Variants in ISM1 observed in about 807,000 individuals in gnomAD.
ISM1 encodes isthmin 1.
Under a neutral mutation model 46.3 loss-of-function variants are expected in ISM1, and 25 were observed. The observed-to-expected ratio is 0.54, with a 90% CI of 0.39 to 0.75. ISM1 has a LOEUF of 0.75. Among genes scored for constraint, ISM1 ranks in the 30% least tolerant of loss-of-function variants. The pLI is 0.00. For missense variants in ISM1, 536 were observed against 625.4 expected, an observed-to-expected ratio of 0.86 and a Z score of 1.52; for synonymous variants, 255 against 256.7, an observed-to-expected ratio of 0.99 and a Z score of 0.06.
chr20:13,221,820 TG>T lies in ISM1; in HGVS notation c.45del (p.Leu16CysfsTer114). ...GAGCTGCTGCTGCTGCTGGGGCTGCTGCTGCTCACGCTGCACATCACCGTGC... is the reference window on the plus strand; with the variant it reads ...GAGCTGCTGCTGCTGCTGGGGCTGCTCTGCTCACGCTGCACATCACCGTGC... The part of the protein sequence containing the change: ...AAELLLLLGL[L>X]LLTLHITVLR... On this transcript the variant is annotated frameshift_variant, in exon 1 of 6. Coordinates refer to ENST00000262487, the MANE Select transcript of ISM1 (RefSeq NM_080826.2). LOFTEE classifies it high-confidence loss of function. 1 of 1,458,718 alleles carries T rather than the reference TG, an allele frequency of 6.9e-7. No homozygotes were observed. The highest frequency in any genetic ancestry group is 9.0e-7 in the Non-Finnish European group (1 of 1,111,200). 90.4% of individuals were successfully genotyped at this position (1,458,718 alleles called of 1,614,324 possible).
chr20:13,242,211 A>C (rs1407335), intron 1 of ISM1, among the ~76,000 whole-genome samples: 51,776 of 151,924 alleles, frequency 0.34, 9,348 homozygotes, highest in African/African-American at 0.46. Context: ...GGTCATCTAC[A>C]TGGATGTTGA....
chr20:13,278,938 G>A (rs759387148), intron 2 of ISM1, among the ~76,000 whole-genome samples: 6 of 152,140 alleles, frequency 3.9e-5, no homozygotes, highest in Admixed American at 6.5e-5. Flanking sequence ...CTTACATAGC[G>A]GTTAGAACAT....
intron 1 of ISM1, among the ~76,000 whole-genome samples, chr20:13,240,368 G>A (rs1432182505): frequency 6.6e-6 from 1 of 152,178 alleles, no homozygotes; most frequent in Non-Finnish European, 1.5e-5. Flanking sequence ...GGGTGGTCAA[G>A]GAAGGACTTG....
At chr20:13,266,417 G>T (rs1241314959) in intron 1 of ISM1, among the ~76,000 whole-genome samples, 1 of 152,184 alleles carries the variant, frequency 6.6e-6, no homozygotes, top group Non-Finnish European at 1.5e-5. Context: ...GAGTTCATGT[G>T]CATAAGCCGT....
the ISM1 span, among the ~76,000 whole-genome samples, chr20:13,316,605 T>C: frequency 6.6e-6 from 1 of 151,950 alleles, no homozygotes; most frequent in African/African-American, 2.4e-5. Flanking sequence ...AAGTGGGATT[T>C]ATCCTAGATA....
At position 13,299,034 on chromosome 20, in the gene ISM1, T is replaced by C; in HGVS notation, c.970T>C (p.Cys324Arg). 1.2e-6 allele frequency: 2 copies of C among 1,613,796 alleles called. No homozygotes were observed. The highest frequency in any genetic ancestry group is 1.7e-6 in the Non-Finnish European group (2 of 1,179,812). Residue 324 changes from cysteine (C) to arginine (R), a missense_variant, in exon 6 of 6, where the codon TGC becomes CGC. Physicochemically the swap from Cys to Arg is radical, Grantham distance 180. Around this residue, in one of 2 missense-constraint regions of ISM1, gnomAD observed 169 missense variants for 249.3 expected, o/e 0.68. Coordinates refer to ENST00000262487, the MANE Select transcript of ISM1 (RefSeq NM_080826.2). This position sits in a 1 kb window ranked among gnomAD's most constrained non-coding sequence, Gnocchi z 5.8. ...GATGAATGACCTGCCCAGCTGCCCC[T>C]GCTCCTACCCCACTGAGGTGGCCTA... ...KVMNDLPSCP[C>R]SYPTEVAYST...
chr20:13,307,096 G>C, the ISM1 span, among the ~76,000 whole-genome samples: 1 of 152,176 alleles, frequency 6.6e-6, no homozygotes, highest in East Asian at 1.9e-4. Context: ...CTACTCACCA[G>C]CAGCAAATGT....
intron 1 of ISM1, among the ~76,000 whole-genome samples, chr20:13,251,931 T>TG (rs1481260991): frequency 6.6e-6 from 1 of 151,918 alleles, no homozygotes; most frequent in East Asian, 1.9e-4. Context: ...TCTGCAGACT[T>TG]GGGGAGTAAG....
At chr20:13,277,394 C>T (rs1031731430) in intron 2 of ISM1, among the ~76,000 whole-genome samples, 8 of 147,904 alleles carry the variant, frequency 5.4e-5, no homozygotes, top group South Asian at 2.2e-4. Flanking sequence ...GCCTTGCAGA[C>T]GATTGTTGCA....
intron 1 of ISM1, among the ~76,000 whole-genome samples, chr20:13,261,366 C>T (rs1001355395): frequency 1.3e-5 from 2 of 150,902 alleles, no homozygotes; most frequent in African/African-American, 4.9e-5. Context: ...TGCAGTGAGC[C>T]GAGATCGCGC....
At chr20:13,295,779 C>T (rs191546533) in intron 5 of ISM1, among the ~76,000 whole-genome samples, 1 of 152,324 alleles carries the variant, frequency 6.6e-6, no homozygotes, top group Non-Finnish European at 1.5e-5. Flanking sequence ...GGAGGAGTCG[C>T]TTGTCGGGCG....
Position 13,270,551 on chromosome 20 carries a change from T to C in ISM1, c.186T>C (p.Ser62=), listed in dbSNP as rs1256824910. ...GSDTTSETSF[S]LSKEAPREHL... ...ACACCACATCAGAAACCAGCTTTTC[T>C]CTCTCCAAAGAAGCACCAAGGGAGC... The change falls in exon 2 of 6, where the codon TCT becomes TCC. Residue 62 remains serine, a synonymous_variant. Coordinates refer to ENST00000262487, the MANE Select transcript of ISM1 (RefSeq NM_080826.2). 6.2e-7 allele frequency: 1 copy of C among 1,613,928 alleles called. No individual in the cohort carries two copies. Among genetic ancestry groups the C allele is most frequent in the Non-Finnish European group, 8.5e-7 (1 of 1,179,848 alleles).
At chr20:13,318,443 C>T in the ISM1 span, among the ~76,000 whole-genome samples, 4 of 152,142 alleles carry the variant, frequency 2.6e-5, no homozygotes, top group Non-Finnish European at 5.9e-5. Context: ...ATTAAACGTA[C>T]GCTTACCATA....
the ISM1 span, among the ~76,000 whole-genome samples, chr20:13,325,999 G>A: frequency 2.0e-5 from 3 of 151,998 alleles, no homozygotes; most frequent in South Asian, 6.2e-4. Context: ...CCCAACTCCG[G>A]GTAACCACTG....
chr20:13,247,766 C>T (rs1342216849), intron 1 of ISM1, among the ~76,000 whole-genome samples: 1 of 152,012 alleles, frequency 6.6e-6, no homozygotes, highest in African/African-American at 2.4e-5. Context: ...GACTTACAGC[C>T]CCTGAGGCTC....
intron 4 of ISM1, among the ~76,000 whole-genome samples, chr20:13,289,552 G>C (rs1348517935): frequency 6.6e-6 from 1 of 152,128 alleles, no homozygotes; most frequent in Non-Finnish European, 1.5e-5. Context: ...GGCCAGGTCT[G>C]GCTCGAGACC....
chr20:13,239,417 G>A (rs928562251), intron 1 of ISM1: 1 of 152,216 alleles, frequency 6.6e-6, no homozygotes, highest in Non-Finnish European at 1.5e-5. Flanking sequence ...TCCATCTGCA[G>A]GGTCCTCCCT....
intron 1 of ISM1, among the ~76,000 whole-genome samples, chr20:13,237,079 A>G (rs2039659387): frequency 6.6e-6 from 1 of 152,208 alleles, no homozygotes; most frequent in South Asian, 2.1e-4. Flanking sequence ...TCCCTTCTGC[A>G]CTGCCCTAGA....
rs373178154 is a variant in ISM1 at position 13,281,677 on chromosome 20, G to A, written c.643+1779G>A. On this transcript the variant is annotated intron_variant, in intron 3 of 5. Coordinates refer to ENST00000262487, the MANE Select transcript of ISM1 (RefSeq NM_080826.2). ...AAGTAGCACACCACTTAGGACAGTAGAAGGATCTAGAAATGAGTGCTTAGG... is the reference window on the plus strand; with the variant it reads ...AAGTAGCACACCACTTAGGACAGTAAAAGGATCTAGAAATGAGTGCTTAGG... Among the ~76,000 whole-genome samples the A allele has an allele frequency of 2.7e-4, 41 of 152,300 alleles. 1 individual carries two copies. The East Asian group carries it at 3.1e-3, about 11-fold the overall frequency.
Sources: gnomAD v4.1 joint callset for allele counts (sites outside exome capture counted in the v4.1 genomes callset) on GRCh38, gnomAD v4.1.1 for gene constraint, gnomAD v4.1.1 regional missense constraint, Gnocchi (gnomAD v3.1) non-coding constraint, MANE v1.5 for transcripts, NCBI Gene and HGNC (gene_info 2026-07-23, HGNC 2026-07-21) for gene names.